SRF: variants seen among roughly 807,000 people sequenced by gnomAD.
SRF encodes the protein c-fos serum response element-binding transcription factor.
In SRF, 7 loss-of-function variants were observed where a neutral mutation model predicts 37.1. That is an observed-to-expected ratio of 0.19 (90% CI 0.11 to 0.35). The LOEUF is 0.35. Among genes scored for constraint, SRF ranks in the 10% least tolerant of loss-of-function variants. The pLI is 1.00. For missense variants in SRF, 395 were observed against 694.4 expected, an observed-to-expected ratio of 0.57 and a Z score of 4.85; for synonymous variants, 285 against 310.1, an observed-to-expected ratio of 0.92 and a Z score of 0.85.
chr6:43,171,304 G>A lies in SRF; in HGVS notation c.-353G>A, dbSNP rs1053493770. The A allele has an allele frequency of 1.2e-5, 2 of 166,062 alleles. No individual in the cohort carries two copies. Among genetic ancestry groups the A allele is most frequent in the Non-Finnish European group, 2.6e-5 (2 of 77,218 alleles). The allele number at this position is 166,062 out of a possible 1,614,324, so 10.3% of individuals were successfully genotyped here. A position where few individuals can be genotyped will look rare whatever the true frequency, so the allele number is the denominator to read the frequency against. On this transcript the variant is annotated 5_prime_UTR_variant, in exon 1 of 7. Transcript: ENST00000265354. The surrounding 1 kb of genome is among the most constrained non-coding windows in gnomAD (Gnocchi z 6.5). Reference sequence around the variant, plus strand: ...TCTCTTTATATGGGGGGAAGGGTCGGGGGATCCCTCCGCCGCCAGCGCGTG... The same window carrying A: ...TCTCTTTATATGGGGGGAAGGGTCGAGGGATCCCTCCGCCGCCAGCGCGTG...
Position 43,179,728 on chromosome 6 carries a change from G to A in SRF, c.*538G>A, listed in dbSNP as rs1003124230. 1.2e-5 allele frequency: 2 copies of A among 164,018 alleles called. No individual in the cohort carries two copies. Among genetic ancestry groups the A allele is most frequent in the African/African-American group, 4.8e-5 (2 of 41,630 alleles). 10.2% of individuals were successfully genotyped at this position (164,018 alleles called of 1,614,324 possible). On this transcript the variant is annotated 3_prime_UTR_variant, in exon 7 of 7. Coordinates refer to ENST00000265354, the MANE Select transcript of SRF (RefSeq NM_003131.4). This position sits in a 1 kb window ranked among gnomAD's most constrained non-coding sequence, Gnocchi z 5.3. ...GCTGTCCTCTCCCCCTTCAGCTCCT[G>A]AGTAGCTGGGCCTGTGCACTGGGCA...
chr6:43,171,635 C>T lies in SRF; in HGVS notation c.-22C>T, dbSNP rs1367486239. 5 of 1,201,206 alleles carry T rather than the reference C, an allele frequency of 4.2e-6. No individual in the cohort carries two copies. The highest frequency in any genetic ancestry group is 4.1e-6 in the Non-Finnish European group (4 of 966,732). 74.4% of individuals were successfully genotyped at this position (1,201,206 alleles called of 1,614,324 possible). A position where few individuals can be genotyped will look rare whatever the true frequency, so the allele number is the denominator to read the frequency against. On this transcript the variant is annotated 5_prime_UTR_variant, in exon 1 of 7. Coordinates refer to ENST00000265354, the MANE Select transcript of SRF (RefSeq NM_003131.4). This position sits in a 1 kb window ranked among gnomAD's most constrained non-coding sequence, Gnocchi z 6.5. ...CTCCGATTCCTCGCTGACTGCCCGT[C>T]CGCCCTCCTGCATCGAGCGCCATGT... is the stretch of plus-strand genomic sequence containing the variant.
rs1772135941 is a variant in SRF at position 43,172,917 on chromosome 6, A to G, written c.513+748A>G. Among the ~76,000 whole-genome samples the G allele has an allele frequency of 6.6e-6, 1 of 152,150 alleles. No homozygotes were observed. Among genetic ancestry groups the G allele is most frequent in the South Asian group, 2.1e-4 (1 of 4,826 alleles). ...GGGAGGCTTGCAGAGGTACCTAGGA[A>G]TTCCTCTTCTGCCAGCCAGTGAAAA... On this transcript the variant is annotated intron_variant, in intron 1 of 6. Coordinates refer to ENST00000265354, the MANE Select transcript of SRF (RefSeq NM_003131.4). The surrounding 1 kb of genome is among the most constrained non-coding windows in gnomAD (Gnocchi z 5.7).
Position 43,175,948 on chromosome 6 carries a change from C to T in SRF, c.1023C>T (p.Thr341=), listed in dbSNP as rs1772190210. ...VSSGGLMQLP[T]SFTLMPGGAV... ...CTGGGGGCCTTATGCAGCTGCCTAC[C>T]AGCTTCACCCTCATGCCTGGTGAGT... The change falls in exon 3 of 7, where the codon ACC becomes ACT. Residue 341 remains threonine, a synonymous_variant. Transcript: ENST00000265354. 6.2e-7 allele frequency: 1 copy of T among 1,612,918 alleles called. No homozygotes were observed. The highest frequency in any genetic ancestry group is 1.1e-5 in the South Asian group (1 of 91,084).
chr6:43,177,559 A>G (rs1219702229), intron 4 of SRF, among the ~76,000 whole-genome samples: 1 of 151,272 alleles, frequency 6.6e-6, no homozygotes, highest in Non-Finnish European at 1.5e-5. Flanking sequence ...AGATTCCCAT[A>G]TAATGCACGT....
At position 43,172,254 on chromosome 6, in the gene SRF, G is replaced by C. The variant is rs1231740674; in HGVS notation, c.513+85G>C. The C allele has an allele frequency of 6.6e-7, 1 of 1,522,482 alleles. No individual in the cohort carries two copies. The highest frequency in any genetic ancestry group is 1.4e-5 in the African/African-American group (1 of 71,872). 94.3% of individuals were successfully genotyped at this position (1,522,482 alleles called of 1,614,324 possible). On this transcript the variant is annotated intron_variant, in intron 1 of 6. Transcript: ENST00000265354. The surrounding 1 kb of genome is among the most constrained non-coding windows in gnomAD (Gnocchi z 5.7). ...GAGCCCGGGAGGACCGCAGAGCCGA[G>C]GCGGAGGTGAGAGGCTGCGAGTCCG...
rs1393297693 is a variant in SRF at position 43,178,806 on chromosome 6, G to A, written c.1355G>A (p.Gly452Asp). 6.2e-7 allele frequency: 1 copy of A among 1,614,178 alleles called. No individual in the cohort carries two copies. The highest frequency in any genetic ancestry group is 1.1e-5 in the South Asian group (1 of 91,086). Residue 452 changes from glycine (G) to aspartate (D), a missense_variant and splice_region_variant, in exon 6 of 7, where the codon GGT becomes GAT. This residue lies in a region of SRF where 232 missense variants were observed against 335.6 expected (regional missense o/e 0.69). Coordinates refer to ENST00000265354, the MANE Select transcript of SRF (RefSeq NM_003131.4). This position sits in a 1 kb window ranked among gnomAD's most constrained non-coding sequence, Gnocchi z 4.3. Reference protein sequence around the residue: ...QVSHSQVQEPGGVPQVFLTAS... With the variant: ...QVSHSQVQEPDGVPQVFLTAS... ...TATCTCCTGTGGTTTTCCAATGTAG[G>A]TGGCGTCCCCCAGGTGTTCCTGACA...
chr6:43,176,610 G>C lies in SRF; in HGVS notation c.1105G>C (p.Ala369Pro). 1 of 1,614,186 alleles carries C rather than the reference G, an allele frequency of 6.2e-7. No individual in the cohort carries two copies. Among genetic ancestry groups the C allele is most frequent in the African/African-American group, 1.3e-5 (1 of 75,052 alleles). ...AIQVHQAPQQ[A>P]SPSRDSSTDL... is the part of the protein sequence containing the mutation. Reference sequence around the variant, plus strand: ...TCAAGTGCACCAGGCCCCACAGCAAGCGTCTCCCTCCCGTGACAGCAGCAC... The same window carrying C: ...TCAAGTGCACCAGGCCCCACAGCAACCGTCTCCCTCCCGTGACAGCAGCAC... The change falls in exon 4 of 7, where the codon GCG (alanine) becomes CCG (proline). Residue 369 changes from alanine to proline, a missense_variant. By Grantham distance (27) the Ala-to-Pro change is conservative. This residue lies in a region of SRF where 232 missense variants were observed against 335.6 expected (regional missense o/e 0.69). Coordinates refer to ENST00000265354, the MANE Select transcript of SRF (RefSeq NM_003131.4). The surrounding 1 kb of genome is among the most constrained non-coding windows in gnomAD (Gnocchi z 4.0).
Position 43,178,228 on chromosome 6 carries a change from C to T in SRF, c.1163-66C>T. 6.8e-7 allele frequency: 1 copy of T among 1,481,124 alleles called. No individual in the cohort carries two copies. The highest frequency in any genetic ancestry group is 9.0e-7 in the Non-Finnish European group (1 of 1,106,788). The allele number at this position is 1,481,124 out of a possible 1,614,324, so 91.7% of individuals were successfully genotyped here. A position where few individuals can be genotyped will look rare whatever the true frequency, so the allele number is the denominator to read the frequency against. On this transcript the variant is annotated intron_variant, in intron 4 of 6. Coordinates refer to ENST00000265354, the MANE Select transcript of SRF (RefSeq NM_003131.4). This position sits in a 1 kb window ranked among gnomAD's most constrained non-coding sequence, Gnocchi z 4.3. ...AGAGGGCTCTGGGGGCCTGGAATTC[C>T]TAGGGACGGAATGGGAGTTATCAGT...
In SRF at chr6:43,179,574, T is replaced by C. The variant is rs1772269906; in HGVS notation, c.*384T>C. ...CCGTGTCCTCCTCTGAGGAAGCAGT[T>C]GGGGCCCTCTTGCCAGCCTCCTTGC... On this transcript the variant is annotated 3_prime_UTR_variant, in exon 7 of 7. Coordinates refer to ENST00000265354, the MANE Select transcript of SRF (RefSeq NM_003131.4). The surrounding 1 kb of genome is among the most constrained non-coding windows in gnomAD (Gnocchi z 5.3). The C allele has an allele frequency of 7.7e-6, 2 of 261,014 alleles. No homozygotes were observed. The highest frequency in any genetic ancestry group is 1.5e-5 in the Non-Finnish European group (2 of 132,008). The allele number at this position is 261,014 out of a possible 1,614,324, so 16.2% of individuals were successfully genotyped here.
intron 2 of SRF, among the ~76,000 whole-genome samples, chr6:43,174,378 A>G (rs954386036): frequency 6.6e-5 from 10 of 152,016 alleles, no homozygotes; most frequent in Non-Finnish European, 1.2e-4. Context: ...GGGCCTTTGC[A>G]TTCCTCCCGC....
chr6:43,171,394 G>T lies in SRF; in HGVS notation c.-263G>T, dbSNP rs1327975011. 1.7e-5 allele frequency: 4 copies of T among 237,182 alleles called. No homozygotes were observed. The East Asian group carries it at 2.7e-4, about 16-fold the overall frequency. 14.7% of individuals were successfully genotyped at this position (237,182 alleles called of 1,614,324 possible). On this transcript the variant is annotated 5_prime_UTR_variant, in exon 1 of 7. The change abolishes the stop of an existing upstream ORF in the 5' untranslated region. Coordinates refer to ENST00000265354, the MANE Select transcript of SRF (RefSeq NM_003131.4). The surrounding 1 kb of genome is among the most constrained non-coding windows in gnomAD (Gnocchi z 6.5). ...CAGCCCCTGCCCCCCGGGGGACGCT[G>T]ACGGCCGCCCGGCGCGCCGCCCTAG...
intron 2 of SRF, among the ~76,000 whole-genome samples, chr6:43,174,938 G>C (rs373180758): frequency 6.6e-6 from 1 of 152,176 alleles, no homozygotes; most frequent in African/African-American, 2.4e-5. Flanking sequence ...AGTCAGTGCT[G>C]TAGGCTACCT....
chr6:43,171,870 G>A lies in SRF; in HGVS notation c.214G>A (p.Ala72Thr), dbSNP rs1434849307. 17 of 1,336,088 alleles carry A rather than the reference G, an allele frequency of 1.3e-5. No individual in the cohort carries two copies. The highest frequency in any genetic ancestry group is 1.2e-5 in the Non-Finnish European group (13 of 1,046,270). 82.8% of individuals were successfully genotyped at this position (1,336,088 alleles called of 1,614,324 possible). A position where few individuals can be genotyped will look rare whatever the true frequency, so the allele number is the denominator to read the frequency against. ...AAAATTPAPTAGALYSGSEGD... is the reference protein window; with the variant it reads ...AAAATTPAPTTGALYSGSEGD... The stretch of plus-strand genomic sequence containing the variant: ...GGCGGCAACCACCCCGGCGCCCACC[G>A]CGGGGGCCCTCTACAGCGGCAGCGA... The change falls in exon 1 of 7, where the codon GCG becomes ACG. Residue 72 changes from alanine (A) to threonine (T), a missense_variant. Physicochemically the swap from Ala to Thr is moderately conservative, Grantham distance 58 (BLOSUM62 0). Transcript: ENST00000265354. This position sits in a 1 kb window ranked among gnomAD's most constrained non-coding sequence, Gnocchi z 6.5.
At chr6:43,174,351 AGCCC>A (rs1479045127) in intron 2 of SRF, among the ~76,000 whole-genome samples, 1 of 152,092 alleles carries the variant, frequency 6.6e-6, no homozygotes, top group Admixed American at 6.5e-5. Context: ...TCCCGCCCGC[AGCCC>A]GCCTGCCTGG....
rs959267783 is a variant in SRF, at chr6:43,178,249, T to G, written c.1163-45T>G. The G allele has an allele frequency of 2.6e-6, 4 of 1,541,496 alleles. No homozygotes were observed. The African/African-American group carries it at 5.4e-5, about 21-fold the overall frequency. On this transcript the variant is annotated intron_variant, in intron 4 of 6. Transcript: ENST00000265354. The surrounding 1 kb of genome is among the most constrained non-coding windows in gnomAD (Gnocchi z 4.3). Reference sequence around the variant, plus strand: ...ATTCCTAGGGACGGAATGGGAGTTATCAGTGGGGACCAGTGCCGAGCTGAC... The same window carrying G: ...ATTCCTAGGGACGGAATGGGAGTTAGCAGTGGGGACCAGTGCCGAGCTGAC...
Position 43,171,890 on chromosome 6 carries a change from C to T in SRF, c.234C>T (p.Gly78=). 4.3e-6 allele frequency: 6 copies of T among 1,406,596 alleles called. No homozygotes were observed. In the South Asian group the frequency reaches 9.3e-5, roughly 22 times the overall value. 87.1% of individuals were successfully genotyped at this position (1,406,596 alleles called of 1,614,324 possible). ...CCACCGCGGGGGCCCTCTACAGCGGCAGCGAGGGCGACTCGGAGTCGGGCG... is the reference window on the plus strand; with the variant it reads ...CCACCGCGGGGGCCCTCTACAGCGGTAGCGAGGGCGACTCGGAGTCGGGCG... ...PAPTAGALYS[G]SEGDSESGEE... Residue 78 remains glycine, a synonymous_variant, in exon 1 of 7, where the codon GGC becomes GGT. Transcript: ENST00000265354. This position sits in a 1 kb window ranked among gnomAD's most constrained non-coding sequence, Gnocchi z 6.5.
chr6:43,177,784 A>AGGCATCTG (rs1772232694), intron 4 of SRF, among the ~76,000 whole-genome samples: 1 of 151,642 alleles, frequency 6.6e-6, no homozygotes, highest in East Asian at 2.0e-4. Context: ...GCTTGATGGC[A>AGGCATCTG]GGCATCTGTA....
rs1772333631 is a variant in SRF, at chr6:43,181,311, C to T, written c.*2121C>T. On this transcript the variant is annotated 3_prime_UTR_variant, in exon 7 of 7. Coordinates refer to ENST00000265354, the MANE Select transcript of SRF (RefSeq NM_003131.4). ...TTGGTGTTTCCCTTCCTCGGTGGCT[C>T]TGGGGTATGTGTGTGTGGGTGTGTG... 1 of 152,494 alleles carries T rather than the reference C, an allele frequency of 6.6e-6. No individual in the cohort carries two copies. Among genetic ancestry groups the T allele is most frequent in the South Asian group, 2.1e-4 (1 of 4,814 alleles). 9.4% of individuals were successfully genotyped at this position (152,494 alleles called of 1,614,324 possible). A position where few individuals can be genotyped will look rare whatever the true frequency, so the allele number is the denominator to read the frequency against.
Sources: gnomAD v4.1 joint callset for allele counts (sites outside exome capture counted in the v4.1 genomes callset) on GRCh38, gnomAD v4.1.1 for gene constraint, gnomAD v4.1.1 regional missense constraint, Gnocchi (gnomAD v3.1) non-coding constraint, MANE v1.5 for transcripts, NCBI Gene and HGNC (gene_info 2026-07-23, HGNC 2026-07-21) for gene names.